The following NBPF4 variants were observed in gnomAD, a reference collection of about 807,000 sequenced individuals.
NBPF4 encodes the protein NBPF family member NBPF4.
NBPF4 carries 11 observed loss-of-function variants against 21.1 expected under a neutral mutation model. The observed-to-expected ratio is 0.52, with a 90% CI of 0.33 to 0.86. The LOEUF is 0.86. Ranked by LOEUF, NBPF4 falls within the 40% of genes least tolerant of loss-of-function variation. NBPF4 has a pLI of 0.03. For synonymous variants in NBPF4, 47 were observed against 106.4 expected (o/e 0.44, Z 3.43); for missense variants, 88 against 265.3 (o/e 0.33, Z 4.64).
intron 3 of NBPF4, among the ~76,000 whole-genome samples, 175 bp from the exon 4 acceptor site, chr1:108,241,339 T>TACACAC (rs929952048): frequency 1.5e-4 from 16 of 110,254 alleles, no homozygotes; most frequent in Middle Eastern, 4.4e-3. Context: ...TATATATATA[T>TACACAC]ACACACACAC....
At position 108,222,655 on chromosome 1, in the gene NBPF4, C is replaced by T. The variant is rs575789710; in HGVS notation, c.*1050G>A. Among the ~76,000 whole-genome samples the T allele has an allele frequency of 6.6e-6, 1 of 152,142 alleles. No individual in the cohort carries two copies. Among genetic ancestry groups the T allele is most frequent in the South Asian group, 2.1e-4 (1 of 4,808 alleles). On this transcript the variant is annotated 3_prime_UTR_variant, in exon 15 of 15. Transcript: ENST00000415641. ...TTTGGGCAGGGAATGATCTTTTTTA[C>T]AAAGAATGCCAGCAAAAGCAAGTAT... is the stretch of plus-strand genomic sequence containing the variant.
chr1:108,224,878 G>C (rs1372961352), intron 14 of NBPF4, among the ~76,000 whole-genome samples: 1 of 150,890 alleles, frequency 6.6e-6, no homozygotes, highest in Non-Finnish European at 1.5e-5. Flanking sequence ...ACAATCTCGT[G>C]CAGCATTTCA....
the NBPF4 span, among the ~76,000 whole-genome samples, chr1:108,257,551 C>T: frequency 1.4e-4 from 20 of 147,850 alleles, no homozygotes; most frequent in East Asian, 3.9e-4. Flanking sequence ...GAGTGACACA[C>T]GAATCTGATT....
the NBPF4 span, among the ~76,000 whole-genome samples, chr1:108,252,633 G>C: frequency 7.8e-6 from 1 of 128,950 alleles, no homozygotes; most frequent in Non-Finnish European, 1.6e-5. Flanking sequence ...GCTTTTTTCT[G>C]GTTCAATCTT....
the NBPF4 span, among the ~76,000 whole-genome samples, chr1:108,254,140 T>A: frequency 3.6e-5 from 3 of 82,992 alleles, no homozygotes; most frequent in South Asian, 6.3e-4. Context: ...AGTGGTGCAA[T>A]CTTGGCTCAC....
At chr1:108,241,478 T>C (rs2101685655) in intron 3 of NBPF4, among the ~76,000 whole-genome samples, 1 of 147,886 alleles carries the variant, frequency 6.8e-6, no homozygotes, top group East Asian at 2.0e-4. Flanking sequence ...CATCTTTTTC[T>C]TCTGTAAACA....
chr1:108,245,925 T>C (rs1649836978), upstream of NBPF4, among the ~76,000 whole-genome samples: 1 of 106,970 alleles, frequency 9.3e-6, no homozygotes, highest in East Asian at 3.1e-4. Context: ...GCTTTAACAG[T>C]GTGGGAAATA....
At chr1:108,257,794 G>T in the NBPF4 span, among the ~76,000 whole-genome samples, 7 of 106,862 alleles carry the variant, frequency 6.6e-5, no homozygotes, top group African/African-American at 2.7e-4. Flanking sequence ...TTGAGACAGA[G>T]CCTCATTCTG....
chr1:108,259,411 AG>A, the NBPF4 span, among the ~76,000 whole-genome samples: 1 of 143,632 alleles, frequency 7.0e-6, no homozygotes, highest in Non-Finnish European at 1.5e-5. Context: ...CTTCTACTCC[AG>A]TTTTTTATTT....
the NBPF4 span, among the ~76,000 whole-genome samples, chr1:108,256,494 CTTT>C: frequency 8.0e-6 from 1 of 124,910 alleles, no homozygotes; most frequent in Admixed American, 8.5e-5. Context: ...TTTTCTCTTT[CTTT>C]CTTTCTTTTT....
At chr1:108,241,422 G>T (rs1233631747) in intron 3 of NBPF4, among the ~76,000 whole-genome samples, 1 of 146,226 alleles carries the variant, frequency 6.8e-6, no homozygotes, top group Non-Finnish European at 1.5e-5. Flanking sequence ...ACAGCCTTCT[G>T]ATATATGAGA....
Position 108,229,155 on chromosome 1 carries a change from G to A in NBPF4, c.1425C>T (p.Ser475=), listed in dbSNP as rs748234956. Residue 475 remains serine (S), a splice_region_variant and synonymous_variant, in exon 13 of 15, where the codon TCC becomes TCT. Coordinates refer to ENST00000415641, the MANE Select transcript of NBPF4 (RefSeq NM_001143989.3). ...QLACSALDVA[S]PTEAACPQGT... is the part of the protein sequence containing the mutation. Reference sequence around the variant, plus strand: ...CTTGGGGACAGGCCGCCTCGGTGGGGGCTGAAAGGAGAAGGGGCTTCAGTA... The same window carrying A: ...CTTGGGGACAGGCCGCCTCGGTGGGAGCTGAAAGGAGAAGGGGCTTCAGTA... 1 of 1,547,626 alleles carries A rather than the reference G, an allele frequency of 6.5e-7. No homozygotes were observed. The highest frequency in any genetic ancestry group is 8.7e-7 in the Non-Finnish European group (1 of 1,143,826).
chr1:108,245,879 G>T (rs1283931964), upstream of NBPF4, among the ~76,000 whole-genome samples: 3 of 90,034 alleles, frequency 3.3e-5, 1 homozygote, highest in African/African-American at 1.4e-4. Flanking sequence ...CCCTCCTTCA[G>T]CATTGGGACC....
chr1:108,244,959 T>TAGAGAG (rs1649798792), upstream of NBPF4, among the ~76,000 whole-genome samples: 1 of 82,744 alleles, frequency 1.2e-5, no homozygotes, highest in African/African-American at 4.6e-5. Context: ...CACACACATA[T>TAGAGAG]AGAGTTGCTC....
At chr1:108,223,987 C>A (rs1388146762) in intron 14 of NBPF4, among the ~76,000 whole-genome samples, 1 of 145,792 alleles carries the variant, frequency 6.9e-6, no homozygotes, top group African/African-American at 2.5e-5. Flanking sequence ...CTATGCCCAA[C>A]CAGCAGTGGG....
upstream of NBPF4, among the ~76,000 whole-genome samples, chr1:108,244,901 G>GATAT (rs1173565670): frequency 0.027 from 340 of 12,426 alleles, 19 homozygotes; most frequent in Non-Finnish European, 0.037. Flanking sequence ...TATTGTTGGA[G>GATAT]ATATATATAT....
At chr1:108,259,690 C>G in the NBPF4 span, among the ~76,000 whole-genome samples, 1 of 148,112 alleles carries the variant, frequency 6.8e-6, no homozygotes, top group Non-Finnish European at 1.5e-5. Flanking sequence ...CTGGACAACA[C>G]AGTGAGACCT....
At chr1:108,241,381 C>A (rs1347081672) in intron 3 of NBPF4, among the ~76,000 whole-genome samples, 1 of 144,528 alleles carries the variant, frequency 6.9e-6, no homozygotes, top group Non-Finnish European at 1.5e-5. Flanking sequence ...TACAAACATA[C>A]ACACACATAT....
At chr1:108,264,968 T>C in the NBPF4 span, among the ~76,000 whole-genome samples, 1 of 142,342 alleles carries the variant, frequency 7.0e-6, no homozygotes, top group Admixed American at 7.4e-5. Flanking sequence ...AGCCTAACAG[T>C]ACAACTAAAA....
Sources: gnomAD v4.1 joint callset for allele counts (sites outside exome capture counted in the v4.1 genomes callset) on GRCh38, gnomAD v4.1.1 for gene constraint, MANE v1.5 for transcripts, NCBI Gene and HGNC (gene_info 2026-07-23, HGNC 2026-07-21) for gene names.